The following GPC5 variants were observed in gnomAD, a reference collection of about 807,000 sequenced individuals.
GPC5 encodes the protein glypican-5.
Under a neutral mutation model 53.9 loss-of-function variants are expected in GPC5, and 47 were observed. The observed-to-expected ratio is 0.87, with a 90% CI of 0.69 to 1.11. The LOEUF is 1.11. GPC5 is among the 50% of genes most tolerant of loss of function. The pLI is 0.00. For synonymous variants in GPC5, 286 were observed against 263.3 expected (o/e 1.09, Z -0.84); for missense variants, 748 against 713.1 (o/e 1.05, Z -0.56).
At chr13:91,709,930 G>C (rs965499795) in intron 3 of GPC5, among the ~76,000 whole-genome samples, 1 of 152,150 alleles carries the variant, frequency 6.6e-6, no homozygotes, top group Non-Finnish European at 1.5e-5. Context: ...AAGCCCCATA[G>C]CATGGTGTAA....
At chr13:92,338,223 A>G (rs1012722206) in intron 7 of GPC5, among the ~76,000 whole-genome samples, 1 of 152,070 alleles carries the variant, frequency 6.6e-6, no homozygotes, top group African/African-American at 2.4e-5. Context: ...GGCAAATGCA[A>G]ATTAAAACAA....
chr13:92,210,644 CAGTT>C (rs1349268728), intron 7 of GPC5, among the ~76,000 whole-genome samples: 1 of 151,916 alleles, frequency 6.6e-6, no homozygotes, highest in African/African-American at 2.4e-5. Flanking sequence ...ATATTCATAA[CAGTT>C]AAGATCTGTT....
intron 6 of GPC5, among the ~76,000 whole-genome samples, chr13:92,054,879 A>G (rs1003698790): frequency 6.6e-6 from 1 of 152,194 alleles, no homozygotes; most frequent in Non-Finnish European, 1.5e-5. Context: ...CTTTATTTCT[A>G]ATTCTTTTTG....
intron 6 of GPC5, among the ~76,000 whole-genome samples, chr13:92,116,836 TATC>T (rs1251701833): frequency 1.3e-5 from 2 of 152,254 alleles, no homozygotes; most frequent in Admixed American, 6.5e-5. Flanking sequence ...GCTTATCTAT[TATC>T]AATATTTTGT....
At chr13:91,888,732 T>A (rs2039353140) in intron 5 of GPC5, among the ~76,000 whole-genome samples, 1 of 152,182 alleles carries the variant, frequency 6.6e-6, no homozygotes, top group Non-Finnish European at 1.5e-5. Flanking sequence ...TAATCTTAAA[T>A]GGCCCGTTGG....
rs190963727 is a variant in GPC5 at position 92,693,434 on chromosome 13, C to A, written c.1562-172848C>A. Among the ~76,000 whole-genome samples, 658 of 152,194 alleles carry A rather than the reference C, an allele frequency of 4.3e-3. 5 individuals carry two copies. The highest frequency in any genetic ancestry group is 6.2e-3 in the Non-Finnish European group (420 of 67,998). The stretch of plus-strand genomic sequence containing the variant: ...TGATAGTAATATGAAAAGTGAAGTT[C>A]AGGCTGAGGTGGTCTCAGGTGGAGA... On this transcript the variant is annotated intron_variant, in intron 7 of 7. Transcript: ENST00000377067.
chr13:91,651,483 G>A (rs561013150), intron 2 of GPC5, among the ~76,000 whole-genome samples: 1 of 152,220 alleles, frequency 6.6e-6, no homozygotes, highest in Admixed American at 6.5e-5. Flanking sequence ...ATTTTGGGAG[G>A]CCAAGGCATG....
chr13:92,276,940 T>C (rs2042879828), intron 7 of GPC5, among the ~76,000 whole-genome samples: 1 of 152,072 alleles, frequency 6.6e-6, no homozygotes, highest in Non-Finnish European at 1.5e-5. Context: ...ATATTAGTCA[T>C]GTTACTTTAG....
intron 7 of GPC5, among the ~76,000 whole-genome samples, chr13:92,618,870 T>G (rs1310452943): frequency 6.6e-6 from 1 of 151,952 alleles, no homozygotes; most frequent in African/African-American, 2.4e-5. Context: ...AGTCTCACTA[T>G]CTATTATGGT....
At chr13:91,806,387 A>C (rs1319259322) in intron 5 of GPC5, among the ~76,000 whole-genome samples, 1 of 151,566 alleles carries the variant, frequency 6.6e-6, no homozygotes, top group Non-Finnish European at 1.5e-5. Context: ...GAATAGCAGA[A>C]TTTATTTTTT....
intron 7 of GPC5, among the ~76,000 whole-genome samples, chr13:92,162,737 T>G (rs2041998836): frequency 6.6e-6 from 1 of 152,170 alleles, no homozygotes; most frequent in African/African-American, 2.4e-5. Context: ...GTGTCAAGAA[T>G]GTATGTGGTC....
intron 7 of GPC5, among the ~76,000 whole-genome samples, chr13:92,161,063 G>A (rs1393259434): frequency 6.9e-6 from 1 of 144,734 alleles, no homozygotes; most frequent in Non-Finnish European, 1.5e-5. Context: ...TTTATGAGTT[G>A]TACTAACCAT....
At chr13:92,397,387 G>A (rs1174035389) in intron 7 of GPC5, among the ~76,000 whole-genome samples, 1 of 152,212 alleles carries the variant, frequency 6.6e-6, no homozygotes, top group East Asian at 1.9e-4. Flanking sequence ...GCCCGCCACT[G>A]TGGAAGATAC....
chr13:92,178,806 C>T (rs201916546), intron 7 of GPC5, among the ~76,000 whole-genome samples: 1 of 152,014 alleles, frequency 6.6e-6, no homozygotes, highest in African/African-American at 2.4e-5. Flanking sequence ...GAAACCCCGT[C>T]TCTACTAAAA....
chr13:92,466,800 T>C (rs931770682), intron 7 of GPC5, among the ~76,000 whole-genome samples: 36 of 152,088 alleles, frequency 2.4e-4, no homozygotes, highest in Non-Finnish European at 3.2e-4. Flanking sequence ...CTGTGAGGTA[T>C]GGGGTTAATA....
At chr13:92,053,804 C>T (rs1358853968) in intron 6 of GPC5, among the ~76,000 whole-genome samples, 2 of 151,650 alleles carry the variant, frequency 1.3e-5, no homozygotes, top group African/African-American at 2.4e-5. Flanking sequence ...CCGAGGTGGG[C>T]GGATCACCTG....
intron 7 of GPC5, among the ~76,000 whole-genome samples, chr13:92,265,703 C>T (rs2042797957): frequency 2.0e-5 from 3 of 152,130 alleles, no homozygotes; most frequent in Non-Finnish European, 4.4e-5. Context: ...TGCCCATTAC[C>T]CAGCTCCAAA....
chr13:91,941,432 C>T (rs1009969662), intron 6 of GPC5, among the ~76,000 whole-genome samples: 1 of 152,102 alleles, frequency 6.6e-6, no homozygotes, highest in Non-Finnish European at 1.5e-5. Context: ...CTCTATCTCC[C>T]CCTTCCTAGC....
At chr13:91,487,765 G>A (rs944676494) in intron 2 of GPC5, among the ~76,000 whole-genome samples, 4 of 152,088 alleles carry the variant, frequency 2.6e-5, no homozygotes, top group Non-Finnish European at 4.4e-5. Context: ...GTTTATGTCA[G>A]ATAAAGCTTG....
Sources: gnomAD v4.1 joint callset for allele counts (sites outside exome capture counted in the v4.1 genomes callset) on GRCh38, gnomAD v4.1.1 for gene constraint, MANE v1.5 for transcripts, NCBI Gene and HGNC (gene_info 2026-07-23, HGNC 2026-07-21) for gene names.